ARHGAP10: variants seen among roughly 807,000 people sequenced by gnomAD.
ARHGAP10 encodes the protein Rho GTPase activating protein 10, also known as rho GTPase-activating protein 10.
In ARHGAP10, 87 loss-of-function variants were observed where a neutral mutation model predicts 108.6. That is an observed-to-expected ratio of 0.80 (90% CI 0.67 to 0.96). The LOEUF is 0.96. Among genes scored for constraint, ARHGAP10 ranks in the 40% least tolerant of loss-of-function variants. ARHGAP10 has a pLI of 0.00. For missense variants in ARHGAP10, 939 were observed against 954.5 expected, an observed-to-expected ratio of 0.98 and a Z score of 0.21; for synonymous variants, 347 against 341.1, an observed-to-expected ratio of 1.02 and a Z score of -0.19.
At chr4:147,979,404 T>C (rs750567012) in intron 18 of ARHGAP10, among the ~76,000 whole-genome samples, 8 of 152,152 alleles carry the variant, frequency 5.3e-5, no homozygotes, top group Non-Finnish European at 8.8e-5. Context: ...GTTCCATTGG[T>C]CTATATATCC....
At chr4:147,888,590 T>A (rs898913978) in intron 10 of ARHGAP10, among the ~76,000 whole-genome samples, 7 of 152,216 alleles carry the variant, frequency 4.6e-5, no homozygotes, top group African/African-American at 1.7e-4. Context: ...TGGAAAATAA[T>A]TTTTTTGTTG....
intron 13 of ARHGAP10, among the ~76,000 whole-genome samples, chr4:147,932,468 C>T (rs1737744202): frequency 6.6e-6 from 1 of 152,202 alleles, no homozygotes. Context: ...GAATACTATG[C>T]AGCCATAAAA....
intron 12 of ARHGAP10, among the ~76,000 whole-genome samples, chr4:147,912,455 C>T (rs1323133128): frequency 1.3e-5 from 2 of 150,502 alleles, no homozygotes; most frequent in African/African-American, 2.4e-5. Context: ...GTGGAAGAAT[C>T]GCTTGAACCC....
chr4:147,780,152 TA>T (rs970488663), intron 1 of ARHGAP10, among the ~76,000 whole-genome samples: 1 of 152,286 alleles, frequency 6.6e-6, no homozygotes, highest in East Asian at 1.9e-4. Context: ...ATTATAAAAT[TA>T]AAAATCTGTG....
intron 18 of ARHGAP10, among the ~76,000 whole-genome samples, chr4:148,022,014 C>A (rs1741585874): frequency 6.6e-6 from 1 of 152,074 alleles, no homozygotes; most frequent in South Asian, 2.1e-4. Flanking sequence ...TTTGACTGTG[C>A]AATTAAAACT....
chr4:147,950,439 C>T (rs921112735), intron 15 of ARHGAP10, among the ~76,000 whole-genome samples: 3 of 152,158 alleles, frequency 2.0e-5, no homozygotes, highest in Middle Eastern at 3.2e-3. Context: ...GGTTGGAGCC[C>T]CAGCTCTGTC....
chr4:147,755,777 G>A (rs1479926826), intron 1 of ARHGAP10, among the ~76,000 whole-genome samples: 2 of 152,060 alleles, frequency 1.3e-5, no homozygotes, highest in Non-Finnish European at 2.9e-5. Context: ...AAAGAAGGTG[G>A]GGTGTGGGTG....
intron 19 of ARHGAP10, among the ~76,000 whole-genome samples, chr4:148,043,613 TAATATATATA>T (rs1728727548): frequency 3.6e-5 from 1 of 27,466 alleles, no homozygotes; most frequent in South Asian, 1.7e-3. Flanking sequence ...ACCCTCTCTC[TAATATATATA>T]TATATATATA....
At chr4:147,885,023 G>A (rs1211300207) in intron 10 of ARHGAP10, among the ~76,000 whole-genome samples, 1 of 152,084 alleles carries the variant, frequency 6.6e-6, no homozygotes, top group African/African-American at 2.4e-5. Context: ...CAGTGGGGGT[G>A]GAGCCAAGTG....
At chr4:147,785,632 T>C (rs1227522731) in intron 1 of ARHGAP10, among the ~76,000 whole-genome samples, 1 of 152,152 alleles carries the variant, frequency 6.6e-6, no homozygotes, top group African/African-American at 2.4e-5. Flanking sequence ...CATTATCATG[T>C]CTGAGCTCTT....
At chr4:147,976,327 A>G (rs1321088909) in intron 18 of ARHGAP10, among the ~76,000 whole-genome samples, 3 of 152,228 alleles carry the variant, frequency 2.0e-5, no homozygotes, top group Non-Finnish European at 4.4e-5. Context: ...GAGAAAAATA[A>G]ATGTCTTAAA....
At chr4:147,991,145 T>TAAAAAAAAAAAAAAAA (rs575585774) in intron 18 of ARHGAP10, among the ~76,000 whole-genome samples, 3 of 129,032 alleles carry the variant, frequency 2.3e-5, no homozygotes, top group African/African-American at 9.2e-5. Context: ...CCCCTGAACC[T>TAAAAAAAAAAAAAAAA]AAAAAAAAAA....
At chr4:147,781,117 G>A (rs1485605777) in intron 1 of ARHGAP10, among the ~76,000 whole-genome samples, 1 of 152,064 alleles carries the variant, frequency 6.6e-6, no homozygotes, top group East Asian at 1.9e-4. Context: ...CCAGCATTTC[G>A]GGAGGCTGAG....
At chr4:147,946,778 T>G (rs1738399425) in intron 15 of ARHGAP10, 74 bp downstream of exon 15, 1 of 1,132,464 alleles carries the variant, frequency 8.8e-7, no homozygotes, top group Non-Finnish European at 1.2e-6. Flanking sequence ...GCCAATTGTG[T>G]ACATAAATAT....
chr4:148,011,191 AC>A (rs1741158717), intron 18 of ARHGAP10, among the ~76,000 whole-genome samples: 1 of 152,110 alleles, frequency 6.6e-6, no homozygotes, highest in Non-Finnish European at 1.5e-5. Flanking sequence ...GTTGGGTGTT[AC>A]TCTGGTTATT....
intron 20 of ARHGAP10, among the ~76,000 whole-genome samples, chr4:148,055,195 A>T (rs937543507): frequency 2.6e-5 from 4 of 152,226 alleles, no homozygotes; most frequent in African/African-American, 9.7e-5. Flanking sequence ...GCTCTAAGAG[A>T]GTGGACTTTG....
intron 10 of ARHGAP10, among the ~76,000 whole-genome samples, chr4:147,890,955 A>G (rs770594154): frequency 6.6e-6 from 1 of 152,244 alleles, no homozygotes; most frequent in Non-Finnish European, 1.5e-5. Context: ...TAGGATGGCT[A>G]TAAATAAAAA....
At chr4:147,881,513 C>G (rs993732812) in intron 9 of ARHGAP10, among the ~76,000 whole-genome samples, 1 of 152,106 alleles carries the variant, frequency 6.6e-6, no homozygotes, top group Non-Finnish European at 1.5e-5. Context: ...TGGTGCATGC[C>G]TGTAATCCCA....
intron 1 of ARHGAP10, among the ~76,000 whole-genome samples, chr4:147,734,682 C>T (rs531714357): frequency 1.3e-5 from 2 of 152,196 alleles, no homozygotes; most frequent in South Asian, 4.1e-4. Flanking sequence ...TATTCTTTTG[C>T]GTCCAACTTC....
Sources: gnomAD v4.1 joint callset for allele counts (sites outside exome capture counted in the v4.1 genomes callset) on GRCh38, gnomAD v4.1.1 for gene constraint, MANE v1.5 for transcripts, NCBI Gene and HGNC (gene_info 2026-07-23, HGNC 2026-07-21) for gene names.